Variants in WDR90 observed in about 807,000 individuals in gnomAD.
WDR90 encodes the protein WD repeat domain 90.
In WDR90, 238 loss-of-function variants were observed where a neutral mutation model predicts 195.2. The ratio of observed to expected loss-of-function variants is 1.22; its 90% CI spans 1.10 to 1.36. The LOEUF (loss-of-function observed/expected upper bound fraction) is 1.36. Ranked by LOEUF, WDR90 falls within the 40% of genes most tolerant of loss-of-function variation. WDR90 has a pLI of 0.00. For synonymous variants in WDR90, 1,265 were observed against 1,052.4 expected (o/e 1.20, Z -3.91); for missense variants, 2,734 against 2,439.5 (o/e 1.12, Z -2.54).
chr16:656,848 C>T lies in WDR90; in HGVS notation c.2319C>T (p.Ala773=), dbSNP rs80155831. 362 of 1,612,854 alleles carry T rather than the reference C, an allele frequency of 2.2e-4. No individual in the cohort carries two copies. In the African/African-American group the frequency reaches 2.3e-3, roughly 10 times the overall value. ...SGAVRSFSLE[A]AEVLVEHTCH... ...CCGTGCGCTCCTTCAGCCTGGAGGC[C>T]GCTGAGGTCCTGGTGGAACACACGT... Residue 773 remains alanine, a synonymous_variant, in exon 19 of 41, where the codon GCC becomes GCT. Coordinates refer to ENST00000293879, the MANE Select transcript of WDR90 (RefSeq NM_145294.5).
At position 662,213 on chromosome 16, in the gene WDR90, C is replaced by T; in HGVS notation, c.4034-7C>T. ...CCGTGGCCCCTTATGGCTCCTCCTG[C>T]CCCTAGGGCTGTTGCTGTTCTCGGG... On this transcript the variant is annotated splice_polypyrimidine_tract_variant and splice_region_variant and intron_variant, in intron 32 of 40. Transcript: ENST00000293879. 1.9e-6 allele frequency: 3 copies of T among 1,549,218 alleles called. No individual in the cohort carries two copies. Among genetic ancestry groups the T allele is most frequent in the Non-Finnish European group, 2.6e-6 (3 of 1,147,616 alleles).
Position 664,240 on chromosome 16 carries a change from G to C in WDR90, c.4311+1396G>C, listed in dbSNP as rs575370304. Reference sequence around the variant, plus strand: ...GTTCCTCGGTCGCTCCCTGCTTCCCGCCTCCCCAGCCCCTGGCGACCGTTG... The same window carrying C: ...GTTCCTCGGTCGCTCCCTGCTTCCCCCCTCCCCAGCCCCTGGCGACCGTTG... On this transcript the variant is annotated intron_variant, in intron 34 of 40. Coordinates refer to ENST00000293879, the MANE Select transcript of WDR90 (RefSeq NM_145294.5). Among the ~76,000 whole-genome samples the C allele has an allele frequency of 7.5e-4, 114 of 152,198 alleles. 6 individuals are homozygous for C. The South Asian group carries it at 0.015, about 20-fold the overall frequency.
At chr16:662,449 C>A in intron 33 of WDR90, 118 bp downstream of exon 33, 1 of 1,334,472 alleles carries the variant, frequency 7.5e-7, no homozygotes, top group East Asian at 2.5e-5. Context: ...CGCCTGCTAG[C>A]CCCTCCAAGG....
chr16:665,495 G>T (rs980454726), intron 34 of WDR90, 184 bp from the exon 35 acceptor site: 2 of 911,640 alleles, frequency 2.2e-6, no homozygotes. Flanking sequence ...GACTCACCCA[G>T]ATCTAGTGCA....
intron 40 of WDR90, 140 bp downstream of exon 40, chr16:667,129 G>A (rs1410081004): frequency 4.2e-5 from 39 of 936,438 alleles, no homozygotes; most frequent in South Asian, 6.0e-5. Flanking sequence ...CTGCCCTAGA[G>A]AGGGTCCTGG....
Position 650,614 on chromosome 16 carries a change from A to C in WDR90, c.464A>C (p.Tyr155Ser). ...GATCTGCAGGACGTTCTCCTGGTCTACCTGAACCGGTGCTACGGCCATCTC... is the reference window on the plus strand; with the variant it reads ...GATCTGCAGGACGTTCTCCTGGTCTCCCTGAACCGGTGCTACGGCCATCTC... ...QLDLQDVLLV[Y>S]LNRCYGHLKS... Residue 155 changes from tyrosine (Y) to serine (S), a missense_variant, in exon 5 of 41, where the codon TAC becomes TCC. By Grantham distance (144) the Tyr-to-Ser change is moderately radical. Coordinates refer to ENST00000293879, the MANE Select transcript of WDR90 (RefSeq NM_145294.5). 1 of 1,612,706 alleles carries C rather than the reference A, an allele frequency of 6.2e-7. No homozygotes were observed. The highest frequency in any genetic ancestry group is 8.5e-7 in the Non-Finnish European group (1 of 1,179,916).
intron 13 of WDR90, chr16:654,749 C>T (rs2037711876): frequency 2.1e-6 from 1 of 476,772 alleles, no homozygotes; most frequent in African/African-American, 1.9e-5. Flanking sequence ...TGTGCCCAGC[C>T]ACGAGCTGCT....
rs1347313466 is a variant in WDR90 at position 655,016 on chromosome 16, G to A, written c.1438-13G>A. The A allele has an allele frequency of 6.2e-7, 1 of 1,611,604 alleles. No individual in the cohort carries two copies. The highest frequency in any genetic ancestry group is 8.5e-7 in the Non-Finnish European group (1 of 1,179,110). On this transcript the variant is annotated splice_polypyrimidine_tract_variant and intron_variant, in intron 13 of 40. Transcript: ENST00000293879. ...TGGCCCTGCCGTGCGGGCTCAGCCT[G>A]GGCTTGTTGCAGATGGTGGTGGCCT...
chr16:662,860 C>T lies in WDR90; in HGVS notation c.4311+16C>T. ...CAGGAGCAAGGTGAGGGACTTCCAG[C>T]CTGGGCAGAGGCGGGGCAGCCGAAC... On this transcript the variant is annotated intron_variant, in intron 34 of 40. Transcript: ENST00000293879. The T allele has an allele frequency of 6.5e-7, 1 of 1,545,498 alleles. No homozygotes were observed. Among genetic ancestry groups the T allele is most frequent in the Non-Finnish European group, 8.7e-7 (1 of 1,149,748 alleles).
rs781363679 is a variant in WDR90, at chr16:658,363, G to C, written c.2766+19G>C. The C allele has an allele frequency of 2.0e-5, 32 of 1,609,836 alleles. No individual in the cohort carries two copies. The highest frequency in any genetic ancestry group is 2.7e-5 in the Non-Finnish European group (32 of 1,178,240). ...CCGGGAGGTGAGCCTCAGGGCTGTG[G>C]CCCGCCGACCTGGCCCTCCCTGTGC... On this transcript the variant is annotated intron_variant, in intron 22 of 40. Transcript: ENST00000293879.
chr16:653,159 T>G (rs2037679541), intron 10 of WDR90, among the ~76,000 whole-genome samples, 182 bp from the exon 11 acceptor site: 1 of 152,118 alleles, frequency 6.6e-6, no homozygotes, highest in South Asian at 2.1e-4. Context: ...CTGTGACTCG[T>G]GTATGTAGTG....
At chr16:650,776 G>T in intron 5 of WDR90, 67 bp downstream of exon 5, 1 of 1,570,160 alleles carries the variant, frequency 6.4e-7, no homozygotes. Flanking sequence ...AGAGGCCCAA[G>T]TCCAGGGTGC....
rs2037604579 is a variant in WDR90, at chr16:649,870, C to T, written c.102+16C>T. 1 of 1,575,118 alleles carries T rather than the reference C, an allele frequency of 6.3e-7. No homozygotes were observed. On this transcript the variant is annotated intron_variant, in intron 2 of 40. Coordinates refer to ENST00000293879, the MANE Select transcript of WDR90 (RefSeq NM_145294.5). ...CGTGGTCACGGTAGGCGGCCGGGGG[C>T]TCGCCCGGAGCCCACACCCCTGCCC...
At chr16:661,286 C>A in intron 29 of WDR90, 56 bp from the exon 30 acceptor site, 1 of 1,542,852 alleles carries the variant, frequency 6.5e-7, no homozygotes, top group African/African-American at 1.4e-5. Context: ...GCCACCCCAG[C>A]CTCCACTCCA....
intron 34 of WDR90, chr16:664,841 G>C (rs1215230175): frequency 6.6e-6 from 1 of 152,062 alleles, no homozygotes; most frequent in Non-Finnish European, 1.5e-5. Flanking sequence ...CACCACGCCC[G>C]ACTAATTTTT....
chr16:657,703 C>T (rs1567218097), intron 20 of WDR90, 59 bp from the exon 21 acceptor site: 15 of 1,475,510 alleles, frequency 1.0e-5, no homozygotes, highest in Middle Eastern at 2.3e-4. Flanking sequence ...TCCTCGGGCC[C>T]TGGCCACGCG....
Position 662,340 on chromosome 16 carries a change from T to G in WDR90, c.4145+9T>G. The stretch of plus-strand genomic sequence containing the variant: ...AAGGGCTCAGGCGCCAGGTGAGCTG[T>G]TCACCCCTACGTGTTTTGGCTGCAC... On this transcript the variant is annotated intron_variant, in intron 33 of 40. Transcript: ENST00000293879. 1 of 1,553,880 alleles carries G rather than the reference T, an allele frequency of 6.4e-7. No homozygotes were observed. The highest frequency in any genetic ancestry group is 8.7e-7 in the Non-Finnish European group (1 of 1,150,882).
chr16:657,285 G>A, intron 20 of WDR90, 64 bp downstream of exon 20: 1 of 1,471,722 alleles, frequency 6.8e-7, no homozygotes, highest in Middle Eastern at 2.4e-4. Context: ...ATCTGGTGCA[G>A]GCCCACACCT....
rs1378209552 is a variant in WDR90 at position 667,611 on chromosome 16, G to A, written c.*22G>A. Reference sequence around the variant, plus strand: ...CTGAGATGCAGCAGGGACTGTGGTGGTGGGCATCACGCCTGGTCATGCCAG... The same window carrying A: ...CTGAGATGCAGCAGGGACTGTGGTGATGGGCATCACGCCTGGTCATGCCAG... On this transcript the variant is annotated 3_prime_UTR_variant, in exon 41 of 41. Coordinates refer to ENST00000293879, the MANE Select transcript of WDR90 (RefSeq NM_145294.5). 2.5e-6 allele frequency: 4 copies of A among 1,603,182 alleles called. No homozygotes were observed. The highest frequency in any genetic ancestry group is 1.3e-5 in the African/African-American group (1 of 75,052).
Sources: gnomAD v4.1 joint callset for allele counts (sites outside exome capture counted in the v4.1 genomes callset) on GRCh38, gnomAD v4.1.1 for gene constraint, MANE v1.5 for transcripts, NCBI Gene and HGNC (gene_info 2026-07-23, HGNC 2026-07-21) for gene names.